Variants in EYA2 observed in about 807,000 individuals in gnomAD.
The protein encoded by EYA2 is EYA transcriptional coactivator and phosphatase 2.
EYA2 carries 31 observed loss-of-function variants against 69.2 expected under a neutral mutation model. That is an observed-to-expected ratio of 0.45 (90% CI 0.34 to 0.60). The LOEUF (loss-of-function observed/expected upper bound fraction) is 0.60. EYA2 is among the 20% of genes least tolerant of loss of function. The probability of loss-of-function intolerance (pLI) is 0.02; values close to 1 mark genes in which losing one functional copy is unlikely to be tolerated. For synonymous variants in EYA2, 257 were observed against 279.4 expected (o/e 0.92, Z 0.80); for missense variants, 622 against 701.2 (o/e 0.89, Z 1.28).
chr20:47,112,002 G>T (rs980676309), intron 9 of EYA2, among the ~76,000 whole-genome samples: 1 of 152,036 alleles, frequency 6.6e-6, no homozygotes. Context: ...TTAGCCAGGC[G>T]TGGTGGTGTG....
intron 7 of EYA2, among the ~76,000 whole-genome samples, chr20:47,075,704 T>C (rs1478295954): frequency 2.0e-5 from 3 of 152,174 alleles, no homozygotes; most frequent in African/African-American, 7.2e-5. Flanking sequence ...TTTTTTTTTC[T>C]TTCAACTTGT....
intron 5 of EYA2, among the ~76,000 whole-genome samples, chr20:47,023,761 C>G (rs1040933965): frequency 6.6e-5 from 10 of 151,658 alleles, no homozygotes; most frequent in Admixed American, 3.3e-4. Context: ...CCTCAGCCAC[C>G]TGAGTAGCTG....
rs561565973 is a variant in EYA2 at position 46,980,931 on chromosome 20, G to A, written c.-10-9070G>A. Among the ~76,000 whole-genome samples the A allele has an allele frequency of 2.2e-4, 33 of 152,278 alleles. No individual in the cohort carries two copies. In the South Asian group the frequency reaches 4.6e-3, roughly 21 times the overall value. On this transcript the variant is annotated intron_variant, in intron 1 of 15. Coordinates refer to ENST00000327619, the MANE Select transcript of EYA2 (RefSeq NM_005244.5). ...CCATCCATGTTGCTGCAAATGACAG[G>A]ATTTCATTGTTTTTTATGGCTGAAT...
chr20:46,994,573 G>A (rs1359052253), intron 2 of EYA2, among the ~76,000 whole-genome samples: 5 of 152,100 alleles, frequency 3.3e-5, no homozygotes, highest in South Asian at 2.1e-4. Flanking sequence ...CAGTCTCACC[G>A]GTTCCAACCC....
chr20:47,009,258 G>A (rs1199664738), intron 4 of EYA2, among the ~76,000 whole-genome samples: 9 of 152,186 alleles, frequency 5.9e-5, no homozygotes, highest in African/African-American at 7.2e-5. Context: ...ATGAAAAGCC[G>A]TTTCCCTTTA....
At chr20:46,940,490 C>T (rs1381459059) in intron 1 of EYA2, among the ~76,000 whole-genome samples, 1 of 152,164 alleles carries the variant, frequency 6.6e-6, no homozygotes, top group Non-Finnish European at 1.5e-5. Flanking sequence ...GCTACTGTTG[C>T]TTATAAAACG....
intron 1 of EYA2, among the ~76,000 whole-genome samples, chr20:46,897,315 G>T (rs1238951099): frequency 6.6e-6 from 1 of 152,130 alleles, no homozygotes; most frequent in African/African-American, 2.4e-5. Context: ...GAATTAGGGT[G>T]AGCAAGCTAT....
intron 7 of EYA2, among the ~76,000 whole-genome samples, chr20:47,081,408 G>A (rs2031711232): frequency 6.6e-6 from 1 of 151,982 alleles, no homozygotes; most frequent in African/African-American, 2.4e-5. Context: ...AAAATATGTT[G>A]TACATCATAA....
chr20:47,132,560 G>C (rs960086252), intron 9 of EYA2, among the ~76,000 whole-genome samples: 3 of 152,208 alleles, frequency 2.0e-5, no homozygotes, highest in Non-Finnish European at 4.4e-5. Flanking sequence ...CTGAGGCCCA[G>C]GGAGAGTGAA....
chr20:47,184,749 CAGAA>C (rs780280123), intron 15 of EYA2, among the ~76,000 whole-genome samples: 9 of 152,142 alleles, frequency 5.9e-5, no homozygotes, highest in Non-Finnish European at 1.0e-4. Flanking sequence ...ATTTGAGACT[CAGAA>C]AGGTTAATTA....
intron 1 of EYA2, among the ~76,000 whole-genome samples, chr20:46,978,890 G>A (rs78227548): frequency 0.011 from 1,740 of 152,330 alleles, 19 homozygotes; most frequent in Middle Eastern, 0.024. Context: ...AACTGCCCCC[G>A]AAATGGGGGA....
chr20:46,989,457 C>T (rs1446796357), intron 1 of EYA2, among the ~76,000 whole-genome samples: 6 of 152,120 alleles, frequency 3.9e-5, no homozygotes, highest in African/African-American at 1.2e-4. Context: ...TTAGTAGAGA[C>T]GGCATTTCAC....
At chr20:46,909,822 C>T (rs1382315357) in intron 1 of EYA2, among the ~76,000 whole-genome samples, 1 of 152,150 alleles carries the variant, frequency 6.6e-6, no homozygotes, top group Non-Finnish European at 1.5e-5. Context: ...CCTTCTCCAC[C>T]CCTCTCCTCC....
At chr20:46,994,708 G>A (rs1455725421) in intron 2 of EYA2, among the ~76,000 whole-genome samples, 10 of 151,980 alleles carry the variant, frequency 6.6e-5, no homozygotes, top group African/African-American at 1.9e-4. Context: ...TTTTGTAGCC[G>A]TTCACACCCA....
At position 47,156,042 on chromosome 20, in the gene EYA2, A is replaced by C. The variant is rs565585404; in HGVS notation, c.978+12894A>C. Among the ~76,000 whole-genome samples, 135 of 91,540 alleles carry C rather than the reference A, an allele frequency of 1.5e-3. 1 individual carries two copies. The highest frequency in any genetic ancestry group is 7.5e-3 in the African/African-American group (133 of 17,814). The allele number at this position is 91,540 out of a possible 152,430, so 60.1% of individuals were successfully genotyped here. On this transcript the variant is annotated intron_variant, in intron 10 of 15. Transcript: ENST00000327619. ...AATATATATATATATACATACACAC[A>C]CACACACACATATATATACATACAC... is the stretch of plus-strand genomic sequence containing the variant.
chr20:47,015,170 C>T (rs1446069598), intron 4 of EYA2, among the ~76,000 whole-genome samples: 1 of 152,120 alleles, frequency 6.6e-6, no homozygotes, highest in Non-Finnish European at 1.5e-5. Flanking sequence ...GGCAGAAGAG[C>T]TGGGGTTTGA....
chr20:47,015,061 A>G (rs34010104), intron 4 of EYA2, among the ~76,000 whole-genome samples: 1 of 152,224 alleles, frequency 6.6e-6, no homozygotes, highest in Non-Finnish European at 1.5e-5. Context: ...ATAGATATAT[A>G]CGTTACATAT....
At chr20:47,012,451 A>C (rs1983129270) in intron 4 of EYA2, among the ~76,000 whole-genome samples, 1 of 152,194 alleles carries the variant, frequency 6.6e-6, no homozygotes, top group Admixed American at 6.5e-5. Context: ...GTGGACTAAT[A>C]TTTTAGTAAA....
At chr20:47,016,120 G>C in intron 4 of EYA2, 61 bp from the exon 5 acceptor site, 2 of 1,237,070 alleles carry the variant, frequency 1.6e-6, no homozygotes, top group South Asian at 2.4e-5. Flanking sequence ...TTTTGTGGGT[G>C]ACAAGGACGC....
Sources: allele counts gnomAD v4.1 joint callset (sites outside exome capture counted in the v4.1 genomes callset), GRCh38; gene constraint gnomAD v4.1.1; transcripts MANE v1.5; gene names NCBI Gene and HGNC (gene_info 2026-07-23, HGNC 2026-07-21).